Variants in STIM1 observed in about 807,000 individuals in gnomAD.
STIM1 encodes the protein stromal interaction molecule 1.
STIM1 carries 25 observed loss-of-function variants against 74.7 expected under a neutral mutation model. The observed-to-expected ratio is 0.33, with a 90% CI of 0.24 to 0.47. The LOEUF (loss-of-function observed/expected upper bound fraction) is 0.47. Among genes scored for constraint, STIM1 ranks in the 20% least tolerant of loss-of-function variants. The pLI is 1.00. For synonymous variants in STIM1, 328 were observed against 348.8 expected, an observed-to-expected ratio of 0.94 and a Z score of 0.66; for missense variants, 728 against 920.8, an observed-to-expected ratio of 0.79 and a Z score of 2.71.
At chr11:4,067,667 T>C (rs2094377003) in intron 5 of STIM1, among the ~76,000 whole-genome samples, 1 of 152,232 alleles carries the variant, frequency 6.6e-6, no homozygotes, top group Non-Finnish European at 1.5e-5. Flanking sequence ...AGTTTCTTGG[T>C]CTACAGAATG....
At chr11:4,033,863 T>C (rs1230367579) in intron 3 of STIM1, among the ~76,000 whole-genome samples, 4 of 151,870 alleles carry the variant, frequency 2.6e-5, no homozygotes, top group Non-Finnish European at 5.9e-5. Context: ...CCTCCCAAAG[T>C]GCCAGGATTA....
chr11:4,011,167 C>T (rs569179074), intron 2 of STIM1, among the ~76,000 whole-genome samples: 13 of 152,164 alleles, frequency 8.5e-5, no homozygotes, highest in East Asian at 3.9e-4. Context: ...TGAATAGTGC[C>T]GCAATAAACA....
chr11:4,059,222 C>T, intron 4 of STIM1, 59 bp from the exon 5 acceptor site: 1 of 1,462,462 alleles, frequency 6.8e-7, no homozygotes, highest in Non-Finnish European at 9.6e-7. Context: ...GGTAATCCTA[C>T]CAGGATCCTT....
chr11:3,872,087 C>T (rs994080843), intron 1 of STIM1, among the ~76,000 whole-genome samples: 22 of 152,158 alleles, frequency 1.4e-4, no homozygotes, highest in East Asian at 7.7e-4. Context: ...GAGTCTACCT[C>T]TGTCGCCCAG....
At chr11:3,909,132 C>T (rs1466838347) in intron 1 of STIM1, among the ~76,000 whole-genome samples, 1 of 152,102 alleles carries the variant, frequency 6.6e-6, no homozygotes, top group African/African-American at 2.4e-5. Flanking sequence ...CAAATCATTC[C>T]CAAGGTATAC....
Position 4,091,826 on chromosome 11 carries a change from G to A in STIM1, c.*28G>A. The A allele has an allele frequency of 6.3e-7, 1 of 1,599,758 alleles. No homozygotes were observed. The highest frequency in any genetic ancestry group is 8.5e-7 in the Non-Finnish European group (1 of 1,179,894). ...AGGATGGGGTGGCAGTAAAGGGACA[G>A]CTTGTCCTTCCCTGGGTGTTCTGTC... On this transcript the variant is annotated 3_prime_UTR_variant, in exon 13 of 13. Transcript: ENST00000526596.
chr11:3,987,085 G>A (rs913940369), intron 2 of STIM1, among the ~76,000 whole-genome samples: 1 of 152,076 alleles, frequency 6.6e-6, no homozygotes, highest in Non-Finnish European at 1.5e-5. Context: ...CCCTTGACAA[G>A]GGGGCTCATA....
intron 1 of STIM1, among the ~76,000 whole-genome samples, chr11:3,911,575 C>T (rs59195871): frequency 0.067 from 10,234 of 151,920 alleles, 539 homozygotes; most frequent in East Asian, 0.18. Context: ...TTTGTAGAGA[C>T]GGGGTCTCCT....
intron 7 of STIM1, among the ~76,000 whole-genome samples, chr11:4,080,380 G>T (rs1373737058): frequency 6.6e-6 from 1 of 151,918 alleles, no homozygotes; most frequent in Non-Finnish European, 1.5e-5. Flanking sequence ...TTATTACTGT[G>T]CATGGCATGA....
At chr11:4,084,033 C>T (rs1280396895) in intron 10 of STIM1, among the ~76,000 whole-genome samples, 1 of 152,184 alleles carries the variant, frequency 6.6e-6, no homozygotes, top group East Asian at 1.9e-4. Flanking sequence ...ACAAGCATGT[C>T]TGGCTTTCCA....
At chr11:4,023,335 A>G (rs1428510222) in intron 2 of STIM1, among the ~76,000 whole-genome samples, 1 of 136,682 alleles carries the variant, frequency 7.3e-6, no homozygotes, top group African/African-American at 2.9e-5. Flanking sequence ...CTCAAGACAA[A>G]CAAACAAACA....
At chr11:4,090,669 GA>G (rs779610928) in intron 12 of STIM1, among the ~76,000 whole-genome samples, 3 of 152,330 alleles carry the variant, frequency 2.0e-5, no homozygotes, top group Middle Eastern at 6.8e-3. Context: ...AGTAAGTGGG[GA>G]AGGAAGGCAT....
Position 3,855,883 on chromosome 11 carries a change from CTCTCT to C in STIM1, c.-370_-366del, listed in dbSNP as rs3061890. 73,405 of 237,122 alleles carry C rather than the reference CTCTCT, an allele frequency of 0.31. 12,371 individuals carry two copies. Among genetic ancestry groups the C allele is most frequent in the Admixed American group, 0.38 (7,458 of 19,878 alleles). 14.7% of individuals were successfully genotyped at this position (237,122 alleles called of 1,614,324 possible). On this transcript the variant is annotated 5_prime_UTR_variant, in exon 1 of 13. Transcript: ENST00000526596. Reference sequence around the variant, plus strand: ...GCGAGGTCAGGTGCCCCCTTCTCGCCTCTCTTCTCTTCTCTTCTCTTCCTCCTCCA... The same window carrying C: ...GCGAGGTCAGGTGCCCCCTTCTCGCCTCTCTTCTCTTCTCTTCCTCCTCCA...
At chr11:3,952,180 G>A (rs1320675521) in intron 1 of STIM1, among the ~76,000 whole-genome samples, 4 of 152,088 alleles carry the variant, frequency 2.6e-5, no homozygotes, top group East Asian at 3.9e-4. Flanking sequence ...TTGGGAGGCC[G>A]AAGTGGTGGA....
chr11:4,032,909 A>G (rs2094063595), intron 3 of STIM1, among the ~76,000 whole-genome samples: 1 of 152,218 alleles, frequency 6.6e-6, no homozygotes. Context: ...TTGATTTTAT[A>G]TTCTAGACAT....
intron 2 of STIM1, among the ~76,000 whole-genome samples, chr11:3,972,519 C>G (rs2093406368): frequency 6.6e-6 from 1 of 151,906 alleles, no homozygotes; most frequent in South Asian, 2.1e-4. Context: ...ATTTAGCAAT[C>G]AACAGCATGA....
At chr11:3,903,688 T>A (rs749563762) in intron 1 of STIM1, 1 of 152,312 alleles carries the variant, frequency 6.6e-6, no homozygotes, top group Non-Finnish European at 1.5e-5. Context: ...AGACTTCCTG[T>A]TGTCATTAGA....
intron 4 of STIM1, 44 bp from the exon 5 acceptor site, chr11:4,059,237 G>A (rs1182969838): frequency 1.3e-6 from 2 of 1,547,718 alleles, no homozygotes; most frequent in South Asian, 1.1e-5. Flanking sequence ...ATCCTTCCTG[G>A]CTTTACTGGG....
intron 1 of STIM1, among the ~76,000 whole-genome samples, chr11:3,931,890 C>G (rs576329461): frequency 6.6e-6 from 1 of 152,160 alleles, no homozygotes; most frequent in African/African-American, 2.4e-5. Context: ...CTGTGGAACA[C>G]GGGCCATACA....
Sources: gnomAD v4.1 joint callset for allele counts (sites outside exome capture counted in the v4.1 genomes callset) on GRCh38, gnomAD v4.1.1 for gene constraint, MANE v1.5 for transcripts, NCBI Gene and HGNC (gene_info 2026-07-23, HGNC 2026-07-21) for gene names.